EPHB1: variants seen among roughly 807,000 people sequenced by gnomAD.
EPHB1 encodes the protein EPH receptor B1.
In EPHB1, 30 loss-of-function variants were observed where a neutral mutation model predicts 94.4. That is an observed-to-expected ratio of 0.32 (90% CI 0.24 to 0.43). EPHB1 has a LOEUF of 0.43. EPHB1 is among the 20% of genes least tolerant of loss of function. The pLI is 1.00. For synonymous variants in EPHB1, 522 were observed against 489.1 expected, an observed-to-expected ratio of 1.07 and a Z score of -0.89; for missense variants, 1,055 against 1,308.3, an observed-to-expected ratio of 0.81 and a Z score of 2.99.
At chr3:135,239,054 T>C (rs994529004) in intron 12 of EPHB1, among the ~76,000 whole-genome samples, 2 of 151,998 alleles carry the variant, frequency 1.3e-5, no homozygotes, top group African/African-American at 4.8e-5. Context: ...GAACAGAGAG[T>C]CTGGCTGCAG....
intron 1 of EPHB1, among the ~76,000 whole-genome samples, chr3:134,837,941 T>C (rs957946645): frequency 6.6e-6 from 1 of 152,036 alleles, no homozygotes; most frequent in Non-Finnish European, 1.5e-5. Flanking sequence ...TACGTAGCCA[T>C]AGAGAAAGAA....
chr3:134,959,623 A>G (rs1933426091), intron 3 of EPHB1, among the ~76,000 whole-genome samples: 1 of 151,952 alleles, frequency 6.6e-6, no homozygotes, highest in African/African-American at 2.4e-5. Flanking sequence ...CTCCTTTTTA[A>G]TCCCTCTAGG....
chr3:135,116,905 C>T (rs1466222767), intron 4 of EPHB1, among the ~76,000 whole-genome samples: 3 of 152,208 alleles, frequency 2.0e-5, no homozygotes, highest in African/African-American at 4.8e-5. Flanking sequence ...CCATGACTTT[C>T]CAGATTCCCT....
At chr3:135,248,763 C>CA (rs1943990456) in intron 14 of EPHB1, among the ~76,000 whole-genome samples, 1 of 151,936 alleles carries the variant, frequency 6.6e-6, no homozygotes, top group African/African-American at 2.4e-5. Context: ...ATTTGAGAGA[C>CA]AAAATCTTTA....
chr3:135,093,141 A>G lies in EPHB1; in HGVS notation c.806-13307A>G, dbSNP rs190302144. On this transcript the variant is annotated intron_variant, in intron 3 of 15. Coordinates refer to ENST00000398015, the MANE Select transcript of EPHB1 (RefSeq NM_004441.5). Reference sequence around the variant, plus strand: ...GTGCTCCCCAGATGTGTGTTGAGAGAATGAGAGAATGTCTATAAAAGGAAA... The same window carrying G: ...GTGCTCCCCAGATGTGTGTTGAGAGGATGAGAGAATGTCTATAAAAGGAAA... 1.9e-3 allele frequency among the ~76,000 whole-genome samples: 289 copies of G among 152,336 alleles called. 4 individuals are homozygous for G. The highest frequency in any genetic ancestry group is 6.7e-3 in the African/African-American group (280 of 41,582).
At chr3:135,236,638 A>T (rs1943660033) in intron 12 of EPHB1, among the ~76,000 whole-genome samples, 1 of 152,226 alleles carries the variant, frequency 6.6e-6, no homozygotes, top group South Asian at 2.1e-4. Context: ...GAGCCATTTC[A>T]TGATACACTC....
At chr3:135,256,588 G>A (rs918557015) in intron 15 of EPHB1, among the ~76,000 whole-genome samples, 1 of 152,182 alleles carries the variant, frequency 6.6e-6, no homozygotes, top group Admixed American at 6.5e-5. Context: ...CGAGAGATCT[G>A]CTGTTAGTCT....
chr3:134,867,037 C>T (rs1053925770), intron 1 of EPHB1, among the ~76,000 whole-genome samples: 3 of 152,120 alleles, frequency 2.0e-5, no homozygotes, highest in Non-Finnish European at 4.4e-5. Context: ...GGGCTGATCC[C>T]GTCCACTGAG....
At chr3:135,123,354 CA>C (rs2107683897) in intron 4 of EPHB1, among the ~76,000 whole-genome samples, 1 of 152,244 alleles carries the variant, frequency 6.6e-6, no homozygotes, top group Non-Finnish European at 1.5e-5. Flanking sequence ...AAAGAAAATT[CA>C]AATTTCCATG....
chr3:135,132,737 G>A lies in EPHB1; in HGVS notation c.985G>A (p.Val329Ile). Residue 329 changes from valine to isoleucine, a missense_variant, in exon 5 of 16, where the codon GTT becomes ATT. Transcript: ENST00000398015. ...CTSVPSGPRNVISIVNETSII... is the reference protein window; with the variant it reads ...CTSVPSGPRNIISIVNETSII... ...AGGCGTCCCATCAGGTCCCCGCAAT[G>A]TTATCTCCATCGTCAATGAGACGTC... 1 of 1,601,072 alleles carries A rather than the reference G, an allele frequency of 6.2e-7. No homozygotes were observed. The highest frequency in any genetic ancestry group is 8.5e-7 in the Non-Finnish European group (1 of 1,170,380).
chr3:134,859,781 C>A (rs1471917826), intron 1 of EPHB1, among the ~76,000 whole-genome samples: 1 of 152,166 alleles, frequency 6.6e-6, no homozygotes, highest in Non-Finnish European at 1.5e-5. Context: ...TCGCTAAATT[C>A]ATTTTTTGAC....
intron 2 of EPHB1, among the ~76,000 whole-genome samples, chr3:134,947,322 C>T (rs1279553368): frequency 6.6e-6 from 1 of 152,098 alleles, no homozygotes; most frequent in Non-Finnish European, 1.5e-5. Context: ...TTTCTTCGAC[C>T]CCCCCAGTTC....
chr3:134,880,585 A>T (rs575955621), intron 1 of EPHB1, among the ~76,000 whole-genome samples: 9 of 152,320 alleles, frequency 5.9e-5, no homozygotes, highest in Admixed American at 5.2e-4. Flanking sequence ...AGATGACCCC[A>T]ACCACTTCCA....
chr3:135,093,656 A>G (rs887293669), intron 3 of EPHB1, among the ~76,000 whole-genome samples: 3 of 151,752 alleles, frequency 2.0e-5, no homozygotes, highest in Non-Finnish European at 4.4e-5. Context: ...CTCAAGGCAG[A>G]GGTTGCAGCA....
chr3:135,180,254 C>G (rs1942118231), intron 10 of EPHB1, among the ~76,000 whole-genome samples: 1 of 152,210 alleles, frequency 6.6e-6, no homozygotes, highest in South Asian at 2.1e-4. Flanking sequence ...AGAAATAACT[C>G]TGGAAATGGA....
intron 1 of EPHB1, among the ~76,000 whole-genome samples, chr3:134,841,859 C>T (rs182684764): frequency 2.0e-5 from 3 of 152,282 alleles, no homozygotes; most frequent in Admixed American, 6.5e-5. Flanking sequence ...TATTCATAAG[C>T]GTTGTTTGCC....
chr3:135,214,756 C>T (rs1943109072), intron 12 of EPHB1, among the ~76,000 whole-genome samples: 1 of 152,188 alleles, frequency 6.6e-6, no homozygotes, highest in Non-Finnish European at 1.5e-5. Context: ...TCTGTAGGGC[C>T]CTTCCTTTCA....
chr3:135,086,395 C>G (rs912968120), intron 3 of EPHB1, among the ~76,000 whole-genome samples: 1 of 151,740 alleles, frequency 6.6e-6, no homozygotes, highest in Non-Finnish European at 1.5e-5. Flanking sequence ...AGACTCAGTT[C>G]GACATCGTGC....
chr3:134,817,159 C>A (rs2036288257), intron 1 of EPHB1, among the ~76,000 whole-genome samples: 1 of 152,018 alleles, frequency 6.6e-6, no homozygotes, highest in African/African-American at 2.4e-5. Flanking sequence ...ATTCTGTAAA[C>A]CATGGACTAT....
Sources: gnomAD v4.1 joint callset for allele counts (sites outside exome capture counted in the v4.1 genomes callset) on GRCh38, gnomAD v4.1.1 for gene constraint, MANE v1.5 for transcripts, NCBI Gene and HGNC (gene_info 2026-07-23, HGNC 2026-07-21) for gene names.